NAT10: variants seen among roughly 807,000 people sequenced by gnomAD.
NAT10 encodes the protein N-acetyltransferase 10, also known as RNA cytidine acetyltransferase.
Under a neutral mutation model 132.2 loss-of-function variants are expected in NAT10, and 109 were observed. The ratio of observed to expected loss-of-function variants is 0.82; its 90% CI spans 0.71 to 0.97. The LOEUF is 0.97. Ranked by LOEUF, NAT10 falls within the 50% of genes least tolerant of loss-of-function variation. The pLI, the probability that NAT10 is intolerant of heterozygous loss-of-function variation, is 0.00. For synonymous variants in NAT10, 479 were observed against 478.0 expected (o/e 1.00, Z -0.03); for missense variants, 1,184 against 1,263.4 (o/e 0.94, Z 0.95).
intron 16 of NAT10, among the ~76,000 whole-genome samples, chr11:34,133,924 G>A (rs1185871756): frequency 3.3e-5 from 5 of 151,718 alleles, no homozygotes; most frequent in East Asian, 1.9e-4. Context: ...AGGCCGAGGC[G>A]GGCGGATCAC....
intron 10 of NAT10, 131 bp downstream of exon 10, chr11:34,123,986 A>G (rs1477887215): frequency 1.5e-6 from 1 of 662,432 alleles, no homozygotes; most frequent in Non-Finnish European, 2.6e-6. Context: ...CCTGACCAAC[A>G]TAGAGAAACC....
At chr11:34,140,296 C>T in intron 23 of NAT10, 104 bp from the exon 24 acceptor site, 3 of 1,096,918 alleles carry the variant, frequency 2.7e-6, no homozygotes, top group Non-Finnish European at 4.0e-6. Context: ...GCTGCCAGGC[C>T]CTGTTAGATG....
intron 4 of NAT10, 35 bp downstream of exon 4, chr11:34,112,258 G>T (rs1339802736): frequency 6.2e-7 from 1 of 1,613,398 alleles, no homozygotes; most frequent in African/African-American, 1.3e-5. Context: ...ATTGAAGTCA[G>T]AGTCTTGAGG....
chr11:34,112,942 A>G (rs1228495369), intron 4 of NAT10, among the ~76,000 whole-genome samples: 1 of 152,252 alleles, frequency 6.6e-6, no homozygotes, highest in Non-Finnish European at 1.5e-5. Flanking sequence ...TATCATATAC[A>G]CTTACAACTG....
intron 5 of NAT10, 76 bp from the exon 6 acceptor site, chr11:34,115,747 A>C: frequency 8.7e-5 from 126 of 1,447,124 alleles, no homozygotes; most frequent in Non-Finnish European, 1.1e-4. Context: ...CTCCTTGGAT[A>C]GAGCTTTGTA....
chr11:34,131,591 A>G lies in NAT10; in HGVS notation c.1520+60A>G, dbSNP rs1852106338. 5.2e-6 allele frequency: 8 copies of G among 1,529,834 alleles called. No homozygotes were observed. The Admixed American group carries it at 9.6e-5, about 18-fold the overall frequency. 94.8% of individuals were successfully genotyped at this position (1,529,834 alleles called of 1,614,324 possible). ...AGGAGAGGGGCGGTGAAAGAATTCA[A>G]AGGACTTGAGTCCTTTGTTTCATAG... On this transcript the variant is annotated intron_variant, in intron 14 of 28. Coordinates refer to ENST00000257829, the MANE Select transcript of NAT10 (RefSeq NM_024662.3).
At chr11:34,121,521 G>A (rs1029397344) in intron 8 of NAT10, among the ~76,000 whole-genome samples, 1 of 152,074 alleles carries the variant, frequency 6.6e-6, no homozygotes, top group African/African-American at 2.4e-5. Context: ...GAGATCTGTA[G>A]TGTACAAATG....
At chr11:34,139,144 CA>C (rs71457320) in intron 21 of NAT10, 46 bp from the exon 22 acceptor site, 4 of 1,532,390 alleles carry the variant, frequency 2.6e-6, no homozygotes, top group South Asian at 2.2e-5. Context: ...ATGGGTTATT[CA>C]AAAAAAGGGG....
chr11:34,139,505 G>A lies in NAT10; in HGVS notation c.2419+10G>A, dbSNP rs372627828. 10 of 1,609,972 alleles carry A rather than the reference G, an allele frequency of 6.2e-6. No individual in the cohort carries two copies. The African/African-American group carries it at 9.3e-5, about 15-fold the overall frequency. On this transcript the variant is annotated intron_variant, in intron 23 of 28. Transcript: ENST00000257829. ...AAGCCAGCCCAGCCTGGTGAGCCGG[G>A]TGGGGACAGGGAGGAGGGTTGGGAA...
intron 11 of NAT10, among the ~76,000 whole-genome samples, chr11:34,125,643 T>G (rs1851975074): frequency 6.6e-6 from 1 of 152,186 alleles, no homozygotes; most frequent in Non-Finnish European, 1.5e-5. Flanking sequence ...GGGGCCCTGT[T>G]GAGGATGTAC....
At position 34,113,751 on chromosome 11, in the gene NAT10, G is replaced by A. The variant is rs1353759501; in HGVS notation, c.408G>A (p.Arg136=). Residue 136 remains arginine, a synonymous_variant, in exon 5 of 29, where the codon AGG becomes AGA. Coordinates refer to ENST00000257829, the MANE Select transcript of NAT10 (RefSeq NM_024662.3). ...CCTTAACTCCAAACTTGCTGGCCAG[G>A]ACTGTAGAAACAGTGGAAGGTGGTG... The part of the protein sequence containing the change: ...FEALTPNLLA[R]TVETVEGGGL... The A allele has an allele frequency of 7.4e-6, 12 of 1,613,896 alleles. No homozygotes were observed. Among genetic ancestry groups the A allele is most frequent in the Non-Finnish European group, 1.0e-5 (12 of 1,179,988 alleles).
At chr11:34,145,175 AC>A (rs1363696598) in intron 28 of NAT10, among the ~76,000 whole-genome samples, 1 of 151,994 alleles carries the variant, frequency 6.6e-6, no homozygotes, top group Non-Finnish European at 1.5e-5. Context: ...TCAGCTCCTC[AC>A]TCTGCAGAGC....
Position 34,130,795 on chromosome 11 carries a change from T to A in NAT10, c.1245-18T>A. On this transcript the variant is annotated intron_variant, in intron 12 of 28. Transcript: ENST00000257829. The stretch of plus-strand genomic sequence containing the variant: ...GATTTGGGACCTTGTGCCTGATTCC[T>A]TTTGCCTTTGTTTCTAGCTATGAGG... 2 of 1,612,972 alleles carry A rather than the reference T, an allele frequency of 1.2e-6. No individual in the cohort carries two copies. Among genetic ancestry groups the A allele is most frequent in the South Asian group, 2.2e-5 (2 of 90,932 alleles).
intron 12 of NAT10, among the ~76,000 whole-genome samples, chr11:34,129,596 CTTCTTTTTTTTTTTTTTT>C (rs1852066079): frequency 9.8e-6 from 1 of 102,366 alleles, no homozygotes; most frequent in African/African-American, 3.7e-5. Context: ...TCTTCTTCTT[CTTCTTTTTTTTTTTTTTT>C]TTTTTTTTTT....
At position 34,140,677 on chromosome 11, in the gene NAT10, C is replaced by T. The variant is rs969095068; in HGVS notation, c.2592+105C>T. The T allele has an allele frequency of 1.2e-5, 15 of 1,290,778 alleles. No homozygotes were observed. In the African/African-American group the frequency reaches 2.1e-4, roughly 18 times the overall value. The allele number at this position is 1,290,778 out of a possible 1,614,324, so 80.0% of individuals were successfully genotyped here. ...GGACATAATTGTGTGCCTTTAATTCCTCATACATCTGATAGGTGGGTAGTG... is the reference window on the plus strand; with the variant it reads ...GGACATAATTGTGTGCCTTTAATTCTTCATACATCTGATAGGTGGGTAGTG... On this transcript the variant is annotated intron_variant, in intron 24 of 28. Transcript: ENST00000257829.
chr11:34,117,331 C>T (rs576323305), intron 6 of NAT10, among the ~76,000 whole-genome samples: 1 of 152,244 alleles, frequency 6.6e-6, no homozygotes, highest in Admixed American at 6.5e-5. Flanking sequence ...GGACATTTGG[C>T]AATGTCTGGA....
chr11:34,132,178 T>C lies in NAT10; in HGVS notation c.1574T>C (p.Phe525Ser). The C allele has an allele frequency of 6.2e-7, 1 of 1,614,218 alleles. No individual in the cohort carries two copies. Among genetic ancestry groups the C allele is most frequent in the South Asian group, 1.1e-5 (1 of 91,088 alleles). The change falls in exon 15 of 29, where the codon TTC becomes TCC. Residue 525 changes from phenylalanine (F) to serine (S), a missense_variant. Physicochemically the swap from Phe to Ser is radical, Grantham distance 155. Coordinates refer to ENST00000257829, the MANE Select transcript of NAT10 (RefSeq NM_024662.3). ...LFCYHKASEV[F>S]LQRLMALYVA... ...TGCTACCACAAGGCCTCTGAAGTTT[T>C]CCTCCAACGGCTTATGGCCCTCTAC...
chr11:34,144,982 C>T (rs780387104), intron 28 of NAT10, among the ~76,000 whole-genome samples: 6 of 152,234 alleles, frequency 3.9e-5, no homozygotes, highest in Non-Finnish European at 5.9e-5. Flanking sequence ...GATCCAGCAT[C>T]GATGCCGGCC....
chr11:34,143,807 A>T (rs1019545193), intron 28 of NAT10, among the ~76,000 whole-genome samples: 1 of 152,202 alleles, frequency 6.6e-6, no homozygotes, highest in Non-Finnish European at 1.5e-5. Context: ...AACAGTCCAG[A>T]AGCTGCCACT....
Sources: gnomAD v4.1 joint callset for allele counts (sites outside exome capture counted in the v4.1 genomes callset) on GRCh38, gnomAD v4.1.1 for gene constraint, MANE v1.5 for transcripts, NCBI Gene and HGNC (gene_info 2026-07-23, HGNC 2026-07-21) for gene names.